BTBD7: variants seen among roughly 807,000 people sequenced by gnomAD.
The protein encoded by BTBD7 is BTB/POZ domain-containing protein 7.
BTBD7 carries 38 observed loss-of-function variants against 99.9 expected under a neutral mutation model. That is an observed-to-expected ratio of 0.38 (90% CI 0.29 to 0.50). The LOEUF (loss-of-function observed/expected upper bound fraction) is 0.50, where lower values mean the gene tolerates loss of function less well. Among genes scored for constraint, BTBD7 ranks in the 20% least tolerant of loss-of-function variants. BTBD7 has a pLI of 0.93. For missense variants in BTBD7, 1,170 were observed against 1,394.6 expected (o/e 0.84, Z 2.57); for synonymous variants, 520 against 511.4 (o/e 1.02, Z -0.23).
Position 93,249,866 on chromosome 14 carries a change from A to G in BTBD7, c.1943-1212T>C, listed in dbSNP as rs563628988. Among the ~76,000 whole-genome samples, 6 of 152,296 alleles carry G rather than the reference A, an allele frequency of 3.9e-5. No homozygotes were observed. The East Asian group carries it at 9.6e-4, about 24-fold the overall frequency. On this transcript the variant is annotated intron_variant, in intron 8 of 10. Coordinates refer to ENST00000334746, the MANE Select transcript of BTBD7 (RefSeq NM_001002860.4). The stretch of plus-strand genomic sequence containing the variant: ...TAGGGCTGGAGAGGGGATGGAGTCT[A>G]TAAATATTTATGAAAGAAACTGACT...
intron 3 of BTBD7, among the ~76,000 whole-genome samples, chr14:93,284,868 AG>A (rs970980544): frequency 2.0e-5 from 3 of 152,118 alleles, no homozygotes. Flanking sequence ...GTGAGAGCAG[AG>A]GGTCAGAGGT....
intron 1 of BTBD7, among the ~76,000 whole-genome samples, chr14:93,322,039 A>G (rs780263386): frequency 3.2e-4 from 48 of 152,202 alleles, no homozygotes; most frequent in Non-Finnish European, 6.0e-4. Context: ...CAGTGGCAAG[A>G]TATGAGCCAT....
intron 1 of BTBD7, among the ~76,000 whole-genome samples, chr14:93,331,172 C>T (rs2053398138): frequency 6.6e-6 from 1 of 152,120 alleles, no homozygotes; most frequent in African/African-American, 2.4e-5. Flanking sequence ...CTCATTTTCG[C>T]TTTCAACTTT....
chr14:93,312,865 C>T (rs931708578), intron 1 of BTBD7, among the ~76,000 whole-genome samples: 3 of 152,168 alleles, frequency 2.0e-5, no homozygotes, highest in African/African-American at 4.8e-5. Flanking sequence ...CCCAATAAAA[C>T]CCCACATCTC....
rs117963184 is a variant in BTBD7, at chr14:93,314,990, C to T, written c.-107+17830G>A. On this transcript the variant is annotated intron_variant, in intron 1 of 10. Coordinates refer to ENST00000334746, the MANE Select transcript of BTBD7 (RefSeq NM_001002860.4). ...AAATAATAAACGGAAAATATTCATA[C>T]GGGCCTTTTAAAACTATGATAGCTT... Among the ~76,000 whole-genome samples, 536 of 152,166 alleles carry T rather than the reference C, an allele frequency of 3.5e-3. 12 individuals are homozygous for T. In the South Asian group the frequency reaches 0.052, roughly 15 times the overall value.
intron 5 of BTBD7, 48 bp downstream of exon 5, chr14:93,261,554 C>T (rs1449775132): frequency 7.0e-7 from 1 of 1,428,058 alleles, no homozygotes; most frequent in East Asian, 2.3e-5. Flanking sequence ...ATAAGAACCA[C>T]CAAATTTTAC....
In BTBD7 at chr14:93,263,227, A is replaced by G. The variant is rs529881875; in HGVS notation, c.1371+558T>C. Reference sequence around the variant, plus strand: ...TCTGTAATGTATAAAATCTATTATTAATGTAAATTTCCAAATTAAATTGAC... The same window carrying G: ...TCTGTAATGTATAAAATCTATTATTGATGTAAATTTCCAAATTAAATTGAC... On this transcript the variant is annotated intron_variant, in intron 4 of 10. Coordinates refer to ENST00000334746, the MANE Select transcript of BTBD7 (RefSeq NM_001002860.4). Among the ~76,000 whole-genome samples the G allele has an allele frequency of 8.5e-5, 13 of 152,352 alleles. No individual in the cohort carries two copies. The South Asian group carries it at 2.1e-3, about 24-fold the overall frequency.
intron 9 of BTBD7, among the ~76,000 whole-genome samples, chr14:93,247,513 T>C (rs1261908942): frequency 2.6e-5 from 4 of 152,166 alleles, no homozygotes; most frequent in African/African-American, 9.7e-5. Flanking sequence ...ACCTGGCTGA[T>C]GTTTGCATTT....
chr14:93,278,027 TTACCCCAC>T (rs1268532970), intron 3 of BTBD7, among the ~76,000 whole-genome samples: 1 of 152,212 alleles, frequency 6.6e-6, no homozygotes, highest in Non-Finnish European at 1.5e-5. Context: ...CCTTAGACCA[TTACCCCAC>T]TAGTGATGAA....
intron 6 of BTBD7, chr14:93,256,947 C>T (rs1234914559): frequency 2.2e-6 from 1 of 448,576 alleles, no homozygotes; most frequent in Non-Finnish European, 3.9e-6. Flanking sequence ...ATTAACTCTG[C>T]TAGAAATAAT....
At chr14:93,255,385 G>C (rs1415797583) in intron 6 of BTBD7, 2 of 152,108 alleles carry the variant, frequency 1.3e-5, no homozygotes, top group African/African-American at 4.8e-5. Flanking sequence ...CAACTCAAGT[G>C]ATCTGCCTGT....
At chr14:93,313,019 C>T (rs933652606) in intron 1 of BTBD7, among the ~76,000 whole-genome samples, 1 of 152,054 alleles carries the variant, frequency 6.6e-6, no homozygotes, top group Non-Finnish European at 1.5e-5. Flanking sequence ...GGCACAGCAC[C>T]CTAATTTGTT....
chr14:93,293,803 T>G (rs564878187), intron 3 of BTBD7, 55 bp downstream of exon 3: 4 of 1,533,740 alleles, frequency 2.6e-6, no homozygotes, highest in Admixed American at 2.2e-5. Flanking sequence ...TGTTTTCAAT[T>G]TGGAAGATCA....
rs777131970 is a variant in BTBD7, at chr14:93,294,362, G to A, written c.658C>T (p.Leu220Phe). Residue 220 changes from leucine to phenylalanine, a missense_variant, in exon 3 of 11, where the codon CTT becomes TTT. Transcript: ENST00000334746. The stretch of plus-strand genomic sequence containing the variant: ...CCAAATTCTTCACTAAGCTGAACAA[G>A]GATATCGACATTTTGAAACCTTGAG... ...EDSRFQNVDILVQLSEEFGTP... is the reference protein window; with the variant it reads ...EDSRFQNVDIFVQLSEEFGTP... The A allele has an allele frequency of 6.2e-7, 1 of 1,614,174 alleles. No homozygotes were observed. The highest frequency in any genetic ancestry group is 8.5e-7 in the Non-Finnish European group (1 of 1,180,028).
chr14:93,261,527 G>A, intron 5 of BTBD7, 75 bp downstream of exon 5: 3 of 1,115,238 alleles, frequency 2.7e-6, no homozygotes, highest in Admixed American at 1.8e-5. Context: ...AGACTGATGT[G>A]CGGCATGCAT....
At chr14:93,258,596 A>AT (rs1401069694) in intron 5 of BTBD7, among the ~76,000 whole-genome samples, 1 of 151,892 alleles carries the variant, frequency 6.6e-6, no homozygotes, top group Admixed American at 6.6e-5. Flanking sequence ...TTTTATTATT[A>AT]TTTTTTAAGA....
chr14:93,243,151 T>C (rs2052257330), intron 10 of BTBD7, 63 bp from the exon 11 acceptor site: 1 of 1,399,434 alleles, frequency 7.1e-7, no homozygotes, highest in East Asian at 2.3e-5. Flanking sequence ...GTAGAAATGA[T>C]GTTCACTGAT....
At chr14:93,270,060 A>T (rs941302398) in intron 3 of BTBD7, among the ~76,000 whole-genome samples, 1 of 152,208 alleles carries the variant, frequency 6.6e-6, no homozygotes, top group South Asian at 2.1e-4. Flanking sequence ...ACGGTTGACT[A>T]ATAAACCAGT....
chr14:93,308,459 C>T (rs2053098118), intron 1 of BTBD7, among the ~76,000 whole-genome samples: 1 of 152,058 alleles, frequency 6.6e-6, no homozygotes, highest in Non-Finnish European at 1.5e-5. Flanking sequence ...ACTGCTTCCT[C>T]AATAATTAAA....
Sources: allele counts gnomAD v4.1 joint callset (sites outside exome capture counted in the v4.1 genomes callset), GRCh38; gene constraint gnomAD v4.1.1; transcripts MANE v1.5; gene names NCBI Gene and HGNC (gene_info 2026-07-23, HGNC 2026-07-21).